NCKAP5: variants seen among roughly 807,000 people sequenced by gnomAD.
NCKAP5 encodes nck-associated protein 5.
In NCKAP5, 92 loss-of-function variants were observed where a neutral mutation model predicts 167.0. The ratio of observed to expected loss-of-function variants is 0.55; its 90% CI spans 0.47 to 0.66. The LOEUF is 0.66. Ranked by LOEUF, NCKAP5 falls within the 30% of genes least tolerant of loss-of-function variation. NCKAP5 has a pLI of 0.00. For synonymous variants in NCKAP5, 891 were observed against 877.4 expected, an observed-to-expected ratio of 1.02 and a Z score of -0.27; for missense variants, 2,378 against 2,315.0, an observed-to-expected ratio of 1.03 and a Z score of -0.56.
At chr2:133,388,008 A>G (rs989149335) in intron 3 of NCKAP5, among the ~76,000 whole-genome samples, 1 of 152,078 alleles carries the variant, frequency 6.6e-6, no homozygotes. Context: ...TTAGCTCAGA[A>G]AAGTTTGATC....
At chr2:132,752,156 T>A (rs1680169851) in intron 16 of NCKAP5, among the ~76,000 whole-genome samples, 1 of 152,258 alleles carries the variant, frequency 6.6e-6, no homozygotes, top group Non-Finnish European at 1.5e-5. Flanking sequence ...CAAATTTCTC[T>A]AATAGGTACC....
At chr2:132,779,984 TTAAG>T (rs1682882237) in intron 15 of NCKAP5, among the ~76,000 whole-genome samples, 1 of 152,170 alleles carries the variant, frequency 6.6e-6, no homozygotes, top group Non-Finnish European at 1.5e-5. Flanking sequence ...TATTTTGTGT[TTAAG>T]TGCTCTGGAA....
intron 8 of NCKAP5, among the ~76,000 whole-genome samples, chr2:132,916,204 T>C (rs1694863405): frequency 6.6e-6 from 1 of 151,918 alleles, no homozygotes; most frequent in Non-Finnish European, 1.5e-5. Flanking sequence ...GAAGGCAAAT[T>C]GGGATAGGCA....
intron 3 of NCKAP5, among the ~76,000 whole-genome samples, chr2:133,471,417 CA>C (rs1485457393): frequency 6.6e-6 from 1 of 152,156 alleles, no homozygotes; most frequent in Non-Finnish European, 1.5e-5. Context: ...TAGGAAAAAG[CA>C]AATGACATTT....
chr2:132,794,263 T>TAGAGAG lies in NCKAP5; in HGVS notation c.909+2359_909+2364dup, dbSNP rs70973407. On this transcript the variant is annotated intron_variant, in intron 12 of 19. Coordinates refer to ENST00000409261, the MANE Select transcript of NCKAP5 (RefSeq NM_207363.3). ...ATATATATATATATATATATATATA[T>TAGAGAG]AGAGAGAGAGAGAGAGAGAGAGAGA... Among the ~76,000 whole-genome samples, 93 of 11,906 alleles carry TAGAGAG rather than the reference T, an allele frequency of 7.8e-3. 1 individual carries two copies. Among genetic ancestry groups the TAGAGAG allele is most frequent in the South Asian group, 0.017 (3 of 178 alleles). 7.8% of individuals were successfully genotyped at this position (11,906 alleles called of 152,430 possible).
chr2:132,782,883 T>A lies in NCKAP5; in HGVS notation c.3928A>T (p.Asn1310Tyr). 6.2e-7 allele frequency: 1 copy of A among 1,613,826 alleles called. No individual in the cohort carries two copies. The highest frequency in any genetic ancestry group is 8.5e-7 in the Non-Finnish European group (1 of 1,179,840). The stretch of plus-strand genomic sequence containing the variant: ...GAAGAGTTCTGCCGGGTAAGAGAAT[T>A]GCCTCTCTCGGCGGTATTGGTAATG... Reference protein sequence around the residue: ...QIITNTAERGNSLTRQNSSTE... With the variant: ...QIITNTAERGYSLTRQNSSTE... Residue 1310 changes from asparagine to tyrosine, a missense_variant, in exon 14 of 20, where the codon AAT (asparagine) becomes TAT (tyrosine). By Grantham distance (143) the Asn-to-Tyr change is moderately radical (BLOSUM62 -2). Transcript: ENST00000409261.
chr2:132,878,973 C>T, intron 8 of NCKAP5, 57 bp from the exon 9 acceptor site: 1 of 1,330,072 alleles, frequency 7.5e-7, no homozygotes, highest in Non-Finnish European at 1.1e-6. Flanking sequence ...TGTTATGTGA[C>T]AACTTATTCC....
At chr2:132,699,335 T>C (rs559555460) in intron 19 of NCKAP5, among the ~76,000 whole-genome samples, 1 of 152,344 alleles carries the variant, frequency 6.6e-6, no homozygotes, top group Admixed American at 6.5e-5. Flanking sequence ...ATGATAGATT[T>C]TTTTTAAATT....
At chr2:133,192,827 G>T (rs887123398) in intron 5 of NCKAP5, among the ~76,000 whole-genome samples, 2 of 152,072 alleles carry the variant, frequency 1.3e-5, no homozygotes, top group African/African-American at 2.4e-5. Flanking sequence ...TGGTACAGCT[G>T]CTCTGGAAAG....
At chr2:133,128,951 T>A (rs1406435446) in intron 6 of NCKAP5, among the ~76,000 whole-genome samples, 2 of 151,178 alleles carry the variant, frequency 1.3e-5, no homozygotes, top group African/African-American at 4.9e-5. Context: ...ACTGATTTTT[T>A]TTTTTTTTTT....
chr2:133,548,642 A>G (rs1485800057), intron 2 of NCKAP5, among the ~76,000 whole-genome samples: 5 of 152,118 alleles, frequency 3.3e-5, no homozygotes, highest in African/African-American at 7.2e-5. Flanking sequence ...TTCATAAGTG[A>G]AGGAGAAATA....
intron 3 of NCKAP5, among the ~76,000 whole-genome samples, chr2:133,335,774 G>A (rs558776331): frequency 6.6e-5 from 10 of 152,210 alleles, no homozygotes; most frequent in African/African-American, 2.4e-4. Context: ...CCATCTTTAA[G>A]AATTGCTTTG....
At chr2:133,445,041 A>C (rs1298314172) in intron 3 of NCKAP5, among the ~76,000 whole-genome samples, 1 of 152,200 alleles carries the variant, frequency 6.6e-6, no homozygotes, top group Non-Finnish European at 1.5e-5. Flanking sequence ...TTTTCTTGTG[A>C]TTGAGTGATT....
intron 8 of NCKAP5, among the ~76,000 whole-genome samples, chr2:132,951,995 G>A (rs1210520836): frequency 6.6e-6 from 1 of 152,088 alleles, no homozygotes; most frequent in African/African-American, 2.4e-5. Context: ...TGATATACTA[G>A]GCTTTAACTT....
chr2:133,655,316 G>A, the NCKAP5 span, among the ~76,000 whole-genome samples: 1 of 152,118 alleles, frequency 6.6e-6, no homozygotes, highest in African/African-American at 2.4e-5. Context: ...TAAGCCTTAA[G>A]GCCCATATTG....
At chr2:133,143,813 A>T (rs900205613) in intron 5 of NCKAP5, among the ~76,000 whole-genome samples, 3 of 148,428 alleles carry the variant, frequency 2.0e-5, no homozygotes, top group African/African-American at 7.4e-5. Context: ...TCCCAACCAG[A>T]TTTTTTTTTT....
intron 4 of NCKAP5, among the ~76,000 whole-genome samples, chr2:133,287,189 G>A (rs1679207115): frequency 6.6e-6 from 1 of 152,134 alleles, no homozygotes; most frequent in Non-Finnish European, 1.5e-5. Flanking sequence ...TATTTGTCAA[G>A]CAAACATCTC....
intron 5 of NCKAP5, among the ~76,000 whole-genome samples, chr2:133,177,721 AG>A (rs2084532410): frequency 6.6e-6 from 1 of 152,182 alleles, no homozygotes; most frequent in Admixed American, 6.5e-5. Context: ...GAGTGGTATC[AG>A]GGAAGGCCAT....
chr2:133,225,779 C>CTTTTTT lies in NCKAP5; in HGVS notation c.144-12006_144-12001dup, dbSNP rs1003972708. ...CAGGTGTGGGTCATCATGCCCTGTT[C>CTTTTTT]TTTTTTTTTTTTTTTTTTTTTTTTT... On this transcript the variant is annotated intron_variant, in intron 4 of 19. Coordinates refer to ENST00000409261, the MANE Select transcript of NCKAP5 (RefSeq NM_207363.3). Among the ~76,000 whole-genome samples the CTTTTTT allele has an allele frequency of 4.0e-4, 16 of 39,724 alleles. 4 individuals carry two copies. The highest frequency in any genetic ancestry group is 7.7e-4 in the South Asian group (1 of 1,298). 26.1% of individuals were successfully genotyped at this position (39,724 alleles called of 152,430 possible). A position where few individuals can be genotyped will look rare whatever the true frequency, so the allele number is the denominator to read the frequency against.
Sources: gnomAD v4.1 joint callset for allele counts (sites outside exome capture counted in the v4.1 genomes callset) on GRCh38, gnomAD v4.1.1 for gene constraint, MANE v1.5 for transcripts, NCBI Gene and HGNC (gene_info 2026-07-23, HGNC 2026-07-21) for gene names.